The following TENM3 variants were observed in gnomAD, a reference collection of about 807,000 sequenced individuals.
TENM3 encodes teneurin transmembrane protein 3.
A neutral mutation model predicts 255.1 loss-of-function variants in TENM3; 63 were observed. That is an observed-to-expected ratio of 0.25 (90% CI 0.20 to 0.30). The LOEUF (loss-of-function observed/expected upper bound fraction) is 0.30. Among genes scored for constraint, TENM3 ranks in the 10% least tolerant of loss-of-function variants. The pLI is 1.00. For synonymous variants in TENM3, 1,306 were observed against 1,322.3 expected, an observed-to-expected ratio of 0.99 and a Z score of 0.27; for missense variants, 2,929 against 3,461.1, an observed-to-expected ratio of 0.85 and a Z score of 3.86.
the TENM3 span, among the ~76,000 whole-genome samples, chr4:181,463,872 C>G: frequency 1.3e-5 from 2 of 152,124 alleles, no homozygotes; most frequent in Admixed American, 6.5e-5. Flanking sequence ...GATGTGCCTA[C>G]TCTGTGTAGT....
chr4:182,498,828 T>G (rs1560832993), intron 3 of TENM3, among the ~76,000 whole-genome samples: 1 of 151,668 alleles, frequency 6.6e-6, no homozygotes, highest in East Asian at 1.9e-4. Context: ...GCACTCCATC[T>G]TAGGCAGCAA....
intron 3 of TENM3, among the ~76,000 whole-genome samples, chr4:182,559,907 G>T (rs1005648269): frequency 2.6e-5 from 4 of 151,916 alleles, no homozygotes; most frequent in African/African-American, 7.2e-5. Flanking sequence ...TAAAATAATT[G>T]AATATAATTG....
chr4:181,927,608 T>A, the TENM3 span, among the ~76,000 whole-genome samples: 1 of 152,166 alleles, frequency 6.6e-6, no homozygotes, highest in South Asian at 2.1e-4. Context: ...TCAACAGACT[T>A]AAACATTCCT....
At chr4:182,174,656 G>A (rs1319270099) in intron 1 of TENM3, among the ~76,000 whole-genome samples, 9 of 152,002 alleles carry the variant, frequency 5.9e-5, no homozygotes, top group African/African-American at 1.2e-4. Flanking sequence ...AGTTGAATGC[G>A]TATTAGAAAA....
chr4:182,653,869 G>C lies in TENM3; in HGVS notation c.1087G>C (p.Val363Leu), dbSNP rs1753536568. The change falls in exon 6 of 28, where the codon GTG (valine) becomes CTG (leucine). Residue 363 changes from valine to leucine, a missense_variant. By Grantham distance (32) the Val-to-Leu change is conservative. Around this residue, in one of 6 missense-constraint regions of TENM3, gnomAD observed 1,608 missense variants for 1,884.4 expected, o/e 0.85. Transcript: ENST00000511685. ...TTCTGATACCATGCCAACAAACACT[G>C]TGTCATTACCTTCTGGAGACAATGG... ...VNSDTMPTNTVSLPSGDNGKL... is the reference protein window; with the variant it reads ...VNSDTMPTNTLSLPSGDNGKL... 6.2e-7 allele frequency: 1 copy of C among 1,612,498 alleles called. No individual in the cohort carries two copies. The highest frequency in any genetic ancestry group is 1.3e-5 in the African/African-American group (1 of 74,844).
chr4:182,071,971 A>C, the TENM3 span, among the ~76,000 whole-genome samples: 2,208 of 152,290 alleles, frequency 0.014, 23 homozygotes, highest in Non-Finnish European at 0.024. Flanking sequence ...AAAAAACACT[A>C]ACCTTTGAGC....
At chr4:182,070,514 G>T in the TENM3 span, among the ~76,000 whole-genome samples, 2 of 152,294 alleles carry the variant, frequency 1.3e-5, no homozygotes, top group Admixed American at 1.3e-4. Flanking sequence ...CTACTTGGGA[G>T]GGTGAGGCAG....
the TENM3 span, among the ~76,000 whole-genome samples, chr4:181,888,534 G>A: frequency 0.03 from 1,340 of 44,644 alleles, 31 homozygotes; most frequent in Middle Eastern, 0.05. Context: ...ATACATATAT[G>A]TGTATATATA....
chr4:182,442,800 G>T (rs1217902325), intron 3 of TENM3, among the ~76,000 whole-genome samples: 1 of 150,858 alleles, frequency 6.6e-6, no homozygotes, highest in East Asian at 2.0e-4. Context: ...GTGTGTGTGT[G>T]TGTGTATATA....
the TENM3 span, among the ~76,000 whole-genome samples, chr4:181,953,791 G>T: frequency 6.6e-6 from 1 of 152,000 alleles, no homozygotes; most frequent in South Asian, 2.1e-4. Flanking sequence ...TGACATTCAG[G>T]TATAATTTAC....
the TENM3 span, among the ~76,000 whole-genome samples, chr4:181,643,723 A>G: frequency 6.6e-6 from 1 of 152,206 alleles, no homozygotes; most frequent in African/African-American, 2.4e-5. Context: ...GCACCGCATA[A>G]GAGAATGTGC....
the TENM3 span, among the ~76,000 whole-genome samples, chr4:182,072,831 T>G: frequency 6.6e-6 from 1 of 152,178 alleles, no homozygotes; most frequent in Non-Finnish European, 1.5e-5. Context: ...TGCCGTGGAC[T>G]GAGTTGTGCT....
intron 1 of TENM3, among the ~76,000 whole-genome samples, chr4:182,268,478 G>A (rs1759390444): frequency 6.6e-6 from 1 of 152,148 alleles, no homozygotes; most frequent in Non-Finnish European, 1.5e-5. Context: ...AAATGTGTCA[G>A]AGGCTTGTGA....
chr4:182,295,258 T>TTTTG (rs1761404593), intron 1 of TENM3, among the ~76,000 whole-genome samples: 2 of 128,736 alleles, frequency 1.6e-5, no homozygotes, highest in African/African-American at 6.5e-5. Flanking sequence ...GTGCTTTGCT[T>TTTTG]TTCTTTTTTT....
intron 3 of TENM3, among the ~76,000 whole-genome samples, chr4:182,578,800 TTATC>T (rs1269370367): frequency 6.6e-6 from 1 of 152,154 alleles, no homozygotes; most frequent in African/African-American, 2.4e-5. Flanking sequence ...TGGCCCCACT[TTATC>T]TATCCAGAAC....
At chr4:182,205,058 A>G (rs924246931) in intron 1 of TENM3, among the ~76,000 whole-genome samples, 2 of 152,222 alleles carry the variant, frequency 1.3e-5, no homozygotes, top group African/African-American at 4.8e-5. Context: ...TGAATTTAAA[A>G]TAACCCCATC....
rs537426572 is a variant in TENM3, at chr4:182,310,645, C to G, written c.-75-13301C>G. Among the ~76,000 whole-genome samples, 6 of 151,344 alleles carry G rather than the reference C, an allele frequency of 4.0e-5. No individual in the cohort carries two copies. The East Asian group carries it at 9.7e-4, about 24-fold the overall frequency. On this transcript the variant is annotated intron_variant, in intron 1 of 27. Coordinates refer to ENST00000511685, the MANE Select transcript of TENM3 (RefSeq NM_001080477.4). The stretch of plus-strand genomic sequence containing the variant: ...GACTGGGGTCTGTTCCACCCCAACC[C>G]CTTTGTCTCCATGTGGGGGAAGGGT...
Position 182,282,894 on chromosome 4 carries a change from GAAAAAAA to G in TENM3, c.-76+39434_-76+39440del, listed in dbSNP as rs35385277. The stretch of plus-strand genomic sequence containing the variant: ...GGTGGCAGAGTGAGACTCCATTTCA[GAAAAAAA>G]AAAAAAAAAAAAAAATTTATAGTTA... On this transcript the variant is annotated intron_variant, in intron 1 of 27. Transcript: ENST00000511685. Among the ~76,000 whole-genome samples, 48 of 70,924 alleles carry G rather than the reference GAAAAAAA, an allele frequency of 6.8e-4. No homozygotes were observed. In the Middle Eastern group the frequency reaches 0.032, roughly 47 times the overall value. 46.5% of individuals were successfully genotyped at this position (70,924 alleles called of 152,430 possible).
intron 3 of TENM3, among the ~76,000 whole-genome samples, chr4:182,380,185 C>T (rs1057366866): frequency 2.6e-5 from 4 of 152,156 alleles, no homozygotes; most frequent in African/African-American, 9.7e-5. Context: ...GCATGAGAAT[C>T]ACTTGAACCC....
Sources: gnomAD v4.1 joint callset for allele counts (sites outside exome capture counted in the v4.1 genomes callset) on GRCh38, gnomAD v4.1.1 for gene constraint, gnomAD v4.1.1 regional missense constraint, MANE v1.5 for transcripts, NCBI Gene and HGNC (gene_info 2026-07-23, HGNC 2026-07-21) for gene names.